Variants in HSF5 observed in about 807,000 individuals in gnomAD.
The protein encoded by HSF5 is heat shock transcription factor 5.
Under a neutral mutation model 50.8 loss-of-function variants are expected in HSF5, and 5 were observed. The observed-to-expected ratio is 0.10, with a 90% confidence interval of 0.05 to 0.21. The LOEUF (loss-of-function observed/expected upper bound fraction) is 0.21. HSF5 is among the 10% of genes least tolerant of loss of function. The pLI is 1.00. For missense variants in HSF5, 564 were observed against 762.6 expected (o/e 0.74, Z 3.07); for synonymous variants, 307 against 307.4 (o/e 1.00, Z 0.02).
chr17:58,463,948 G>A (rs1460709788), intron 3 of HSF5, among the ~76,000 whole-genome samples: 1 of 152,192 alleles, frequency 6.6e-6, no homozygotes, highest in African/African-American at 2.4e-5. Context: ...CATGTTTGGT[G>A]ATAAAGATCT....
chr17:58,464,625 T>C (rs1223935923), intron 3 of HSF5, among the ~76,000 whole-genome samples: 2 of 152,176 alleles, frequency 1.3e-5, no homozygotes, highest in Non-Finnish European at 2.9e-5. Context: ...CGTATTGTCT[T>C]TTTAAAATTT....
chr17:58,438,242 A>C (rs1974452324), intron 5 of HSF5, among the ~76,000 whole-genome samples: 1 of 152,250 alleles, frequency 6.6e-6, no homozygotes, highest in Admixed American at 6.5e-5. Context: ...CCACTGTATT[A>C]CAATTGCTTA....
At chr17:58,447,146 TG>T (rs1974572364) in intron 5 of HSF5, among the ~76,000 whole-genome samples, 1 of 150,526 alleles carries the variant, frequency 6.6e-6, no homozygotes, top group Non-Finnish European at 1.5e-5. Context: ...GACGAAAGAG[TG>T]CAGGGGACTC....
chr17:58,452,980 A>T (rs1454146393), intron 5 of HSF5, among the ~76,000 whole-genome samples: 1 of 152,140 alleles, frequency 6.6e-6, no homozygotes, highest in Non-Finnish European at 1.5e-5. Flanking sequence ...GGCTGCAGTG[A>T]GTCATAATCA....
At chr17:58,447,761 CTGAAG>C (rs1974579961) in intron 5 of HSF5, among the ~76,000 whole-genome samples, 1 of 152,170 alleles carries the variant, frequency 6.6e-6, no homozygotes, top group African/African-American at 2.4e-5. Flanking sequence ...GGAAGGCCCT[CTGAAG>C]GAGGACAGGT....
chr17:58,429,256 T>A (rs927551473), intron 5 of HSF5, among the ~76,000 whole-genome samples: 1 of 152,236 alleles, frequency 6.6e-6, no homozygotes, highest in East Asian at 1.9e-4. Context: ...GGTGGGAATA[T>A]GGAACAACTG....
intron 5 of HSF5, among the ~76,000 whole-genome samples, chr17:58,429,876 G>T: frequency 6.7e-6 from 1 of 150,106 alleles, no homozygotes. Flanking sequence ...TTAATTCTAT[G>T]TTAATTTTAC....
intron 4 of HSF5, among the ~76,000 whole-genome samples, chr17:58,459,195 A>T (rs1195598546): frequency 6.6e-6 from 1 of 151,966 alleles, no homozygotes; most frequent in Non-Finnish European, 1.5e-5. Context: ...TTTAACTTAC[A>T]AAAGTACAGG....
At chr17:58,479,095 G>A (rs1975065564) in intron 2 of HSF5, among the ~76,000 whole-genome samples, 1 of 151,912 alleles carries the variant, frequency 6.6e-6, no homozygotes, top group African/African-American at 2.4e-5. Flanking sequence ...TAACACTGCG[G>A]AGATCCCACT....
chr17:58,464,566 C>CT (rs1330696602), intron 3 of HSF5, among the ~76,000 whole-genome samples: 1 of 152,180 alleles, frequency 6.6e-6, no homozygotes, highest in Non-Finnish European at 1.5e-5. Context: ...TCCCATTTTT[C>CT]TATTTCAAAA....
intron 2 of HSF5, among the ~76,000 whole-genome samples, chr17:58,470,731 G>C (rs1333026926): frequency 1.3e-5 from 2 of 152,124 alleles, no homozygotes; most frequent in Non-Finnish European, 2.9e-5. Context: ...TTCGAGACCA[G>C]CCTTACCAAC....
Position 58,488,193 on chromosome 17 carries a change from G to A in HSF5, c.82C>T (p.Arg28Cys). The change falls in exon 1 of 6, where the codon CGC (arginine) becomes TGC (cysteine). Residue 28 changes from arginine to cysteine, a missense_variant. Coordinates refer to ENST00000323777, the MANE Select transcript of HSF5 (RefSeq NM_001080439.3). The surrounding 1 kb of genome is among the most constrained non-coding windows in gnomAD (Gnocchi z 4.1). ...CCGCGGCCGTCCCAGCGGATGGAGCGGTAGCGCGGGCTGTTCACCAGGCGC... is the reference window on the plus strand; with the variant it reads ...CCGCGGCCGTCCCAGCGGATGGAGCAGTAGCGCGGGCTGTTCACCAGGCGC... ...LWRLVNSPRY[R>C]SIRWDGRGEG... is the part of the protein sequence containing the mutation. 1 of 1,530,584 alleles carries A rather than the reference G, an allele frequency of 6.5e-7. No homozygotes were observed. The highest frequency in any genetic ancestry group is 2.4e-5 in the East Asian group (1 of 41,344). 94.8% of individuals were successfully genotyped at this position (1,530,584 alleles called of 1,614,324 possible).
intron 5 of HSF5, among the ~76,000 whole-genome samples, chr17:58,451,473 G>T (rs1476269307): frequency 6.6e-6 from 1 of 152,124 alleles, no homozygotes; most frequent in African/African-American, 2.4e-5. Context: ...TTTTAAAACT[G>T]AAATTACGTC....
At chr17:58,432,066 G>A (rs756373290) in intron 5 of HSF5, among the ~76,000 whole-genome samples, 2 of 151,912 alleles carry the variant, frequency 1.3e-5, no homozygotes, top group Non-Finnish European at 2.9e-5. Context: ...TGGTTAAGAT[G>A]GTAAATTTTA....
intron 4 of HSF5, among the ~76,000 whole-genome samples, chr17:58,459,262 G>A (rs2143775466): frequency 6.6e-6 from 1 of 151,822 alleles, no homozygotes; most frequent in Middle Eastern, 3.4e-3. Context: ...GGAGTACAGT[G>A]GTACAATCAT....
At chr17:58,486,473 T>C (rs1045992059) in intron 1 of HSF5, among the ~76,000 whole-genome samples, 17 of 152,346 alleles carry the variant, frequency 1.1e-4, no homozygotes, top group African/African-American at 3.8e-4. Flanking sequence ...TACTGAAAGA[T>C]TGTAGCCAAT....
intron 4 of HSF5, among the ~76,000 whole-genome samples, chr17:58,459,581 A>C (rs1032955563): frequency 6.9e-6 from 1 of 145,082 alleles, no homozygotes; most frequent in African/African-American, 2.5e-5. Context: ...CAGGAGATGG[A>C]GGTTGCAGTG....
chr17:58,437,374 C>CT (rs1974440785), intron 5 of HSF5, among the ~76,000 whole-genome samples: 1 of 152,080 alleles, frequency 6.6e-6, no homozygotes, highest in Non-Finnish European at 1.5e-5. Context: ...TACTTTAAGG[C>CT]TTTTATATTC....
chr17:58,443,286 G>A (rs1974521238), intron 5 of HSF5, among the ~76,000 whole-genome samples: 1 of 152,094 alleles, frequency 6.6e-6, no homozygotes, highest in Non-Finnish European at 1.5e-5. Flanking sequence ...GGGATTACAG[G>A]TGTGAGCCAC....
Sources: gnomAD v4.1 joint callset for allele counts (sites outside exome capture counted in the v4.1 genomes callset) on GRCh38, gnomAD v4.1.1 for gene constraint, Gnocchi (gnomAD v3.1) non-coding constraint, MANE v1.5 for transcripts, NCBI Gene and HGNC (gene_info 2026-07-23, HGNC 2026-07-21) for gene names.